Variants in NR1I2 observed in about 807,000 individuals in gnomAD.
NR1I2 encodes nuclear receptor subfamily 1 group I member 2.
A neutral mutation model predicts 43.3 loss-of-function variants in NR1I2; 42 were observed. That is an observed-to-expected ratio of 0.97 (90% CI 0.76 to 1.26). The LOEUF (loss-of-function observed/expected upper bound fraction) is 1.26, where lower values mean the gene tolerates loss of function less well. NR1I2 is among the 50% of genes most tolerant of loss of function. The pLI, the probability that NR1I2 is intolerant of heterozygous loss-of-function variation, is 0.00. For synonymous variants in NR1I2, 229 were observed against 215.0 expected, an observed-to-expected ratio of 1.06 and a Z score of -0.57; for missense variants, 559 against 566.7, an observed-to-expected ratio of 0.99 and a Z score of 0.14.
At chr3:119,797,302 A>G (rs371248139) in intron 1 of NR1I2, among the ~76,000 whole-genome samples, 2 of 151,924 alleles carry the variant, frequency 1.3e-5, no homozygotes, top group South Asian at 4.2e-4. Flanking sequence ...ATCAGCATTC[A>G]CAGAAAGGAA....
intron 2 of NR1I2, 70 bp from the exon 3 acceptor site, chr3:119,809,991 T>C: frequency 6.3e-7 from 1 of 1,594,948 alleles, no homozygotes; most frequent in Non-Finnish European, 8.6e-7. Context: ...GGAGGTGGTA[T>C]GGCCCGGAGC....
chr3:119,787,857 A>G (rs76094566), intron 1 of NR1I2, among the ~76,000 whole-genome samples: 6 of 152,218 alleles, frequency 3.9e-5, no homozygotes, highest in African/African-American at 1.4e-4. Flanking sequence ...AATTAAATAT[A>G]ATCCTGCTAT....
At chr3:119,809,399 C>G (rs776519905) in intron 2 of NR1I2, among the ~76,000 whole-genome samples, 2 of 151,996 alleles carry the variant, frequency 1.3e-5, no homozygotes, top group African/African-American at 2.4e-5. Flanking sequence ...TCCAGGCGCT[C>G]GACCTCTTTG....
chr3:119,807,166 C>A (rs552803002), intron 1 of NR1I2, 63 bp from the exon 2 acceptor site: 23 of 1,399,250 alleles, frequency 1.6e-5, no homozygotes, highest in Non-Finnish European at 1.1e-5. Flanking sequence ...CAGAGTGTTT[C>A]CTCTGAGGCC....
chr3:119,811,814 T>A (rs1463191641), intron 4 of NR1I2, 88 bp downstream of exon 4: 3 of 1,268,598 alleles, frequency 2.4e-6, no homozygotes, highest in African/African-American at 3.0e-5. Flanking sequence ...AAGAAACTTA[T>A]ACAAGGTCAC....
chr3:119,812,643 A>G, intron 4 of NR1I2, 43 bp from the exon 5 acceptor site: 1 of 1,611,468 alleles, frequency 6.2e-7, no homozygotes, highest in South Asian at 1.1e-5. Context: ...CTATGAAAGC[A>G]CATGCTGTCT....
chr3:119,817,451 C>A lies in NR1I2; in HGVS notation c.*239C>A. The A allele has an allele frequency of 2.2e-6, 3 of 1,383,728 alleles. No individual in the cohort carries two copies. The highest frequency in any genetic ancestry group is 2.8e-6 in the Non-Finnish European group (3 of 1,065,112). 85.7% of individuals were successfully genotyped at this position (1,383,728 alleles called of 1,614,324 possible). A position where few individuals can be genotyped will look rare whatever the true frequency, so the allele number is the denominator to read the frequency against. On this transcript the variant is annotated 3_prime_UTR_variant, in exon 9 of 9. Coordinates refer to ENST00000393716, the MANE Select transcript of NR1I2 (RefSeq NM_003889.4). ...CACAGACTCTTACGTGGAGAGTGCA[C>A]TGACCTGTAGGTCAGGACCATCAGA...
chr3:119,801,623 C>T (rs2055082744), intron 1 of NR1I2, among the ~76,000 whole-genome samples: 1 of 152,240 alleles, frequency 6.6e-6, no homozygotes. Context: ...GGTTCCACTT[C>T]CATTATTTCT....
In NR1I2 at chr3:119,803,761, C is replaced by A. The variant is rs74470176; in HGVS notation, c.-22-3468C>A. Among the ~76,000 whole-genome samples the A allele has an allele frequency of 1.8e-3, 263 of 145,570 alleles. 2 individuals carry two copies. The highest frequency in any genetic ancestry group is 6.5e-3 in the African/African-American group (258 of 39,886). On this transcript the variant is annotated intron_variant, in intron 1 of 8. Coordinates refer to ENST00000393716, the MANE Select transcript of NR1I2 (RefSeq NM_003889.4). ...TGCTGAAACCATCTTTCTCAGTGTACTTTTTTTTTTTTTTGAGACAGAGTC... is the reference window on the plus strand; with the variant it reads ...TGCTGAAACCATCTTTCTCAGTGTAATTTTTTTTTTTTTTGAGACAGAGTC...
At chr3:119,797,686 G>A (rs1014118518) in intron 1 of NR1I2, among the ~76,000 whole-genome samples, 7 of 151,912 alleles carry the variant, frequency 4.6e-5, no homozygotes, top group Non-Finnish European at 1.0e-4. Flanking sequence ...TGTTTTATAT[G>A]CACCCACATA....
At position 119,817,718 on chromosome 3, in the gene NR1I2, T is replaced by C; in HGVS notation, c.*506T>C. On this transcript the variant is annotated 3_prime_UTR_variant, in exon 9 of 9. Coordinates refer to ENST00000393716, the MANE Select transcript of NR1I2 (RefSeq NM_003889.4). ...CGAGCTGCTTTGTGGGCTCCAGGCC[T>C]GTACTCATCGGCAGGCGCATGAGTA... 9.5e-7 allele frequency: 1 copy of C among 1,057,780 alleles called. No individual in the cohort carries two copies. The highest frequency in any genetic ancestry group is 1.1e-6 in the Non-Finnish European group (1 of 872,822). 65.5% of individuals were successfully genotyped at this position (1,057,780 alleles called of 1,614,324 possible).
chr3:119,796,880 C>G (rs2055007750), intron 1 of NR1I2, among the ~76,000 whole-genome samples: 1 of 152,212 alleles, frequency 6.6e-6, no homozygotes, highest in East Asian at 1.9e-4. Context: ...CAGCAGCTTC[C>G]ATTTTATTGT....
Position 119,815,429 on chromosome 3 carries a change from C to T in NR1I2, c.1044C>T (p.Leu348=). ...ATGTGCTGATGCAGGCCATCTCCCT[C>T]TTCTCCCCAGGTGAGGATCTCCCCT... Residue 348 remains leucine, a synonymous_variant, in exon 7 of 9, where the codon CTC becomes CTT. Coordinates refer to ENST00000393716, the MANE Select transcript of NR1I2 (RefSeq NM_003889.4). The T allele has an allele frequency of 3.1e-6, 5 of 1,612,182 alleles. No individual in the cohort carries two copies. Among genetic ancestry groups the T allele is most frequent in the Non-Finnish European group, 4.2e-6 (5 of 1,179,456 alleles).
rs10460826 is a variant in NR1I2 at position 119,817,410 on chromosome 3, C to A, written c.*198C>A. ...GGGTGCCCCCCACCCCCAGTTCAGT[C>A]TGTAGGGAGTGAAGCCACAGACTCT... On this transcript the variant is annotated 3_prime_UTR_variant, in exon 9 of 9. Transcript: ENST00000393716. 2 of 1,452,680 alleles carry A rather than the reference C, an allele frequency of 1.4e-6. No homozygotes were observed. The highest frequency in any genetic ancestry group is 1.8e-6 in the Non-Finnish European group (2 of 1,102,596). The allele number at this position is 1,452,680 out of a possible 1,614,324, so 90.0% of individuals were successfully genotyped here. A position where few individuals can be genotyped will look rare whatever the true frequency, so the allele number is the denominator to read the frequency against.
In NR1I2 at chr3:119,800,589, G is replaced by T. The variant is rs564589942; in HGVS notation, c.-22-6640G>T. 4.7e-4 allele frequency among the ~76,000 whole-genome samples: 71 copies of T among 151,958 alleles called. 1 individual carries two copies. In the South Asian group the frequency reaches 0.013, roughly 28 times the overall value. On this transcript the variant is annotated intron_variant, in intron 1 of 8. Transcript: ENST00000393716. ...ATTAATCATAGGGTGTTTTTTGGTC[G>T]TTTTTTTCCCCTTTTTGTGGAGAAT...
At chr3:119,804,854 C>T (rs1367443423) in intron 1 of NR1I2, among the ~76,000 whole-genome samples, 1 of 151,828 alleles carries the variant, frequency 6.6e-6, no homozygotes, top group African/African-American at 2.4e-5. Context: ...CCATTTTTTC[C>T]TTTCTATTAG....
At chr3:119,796,271 G>A (rs1390470217) in intron 1 of NR1I2, among the ~76,000 whole-genome samples, 1 of 152,130 alleles carries the variant, frequency 6.6e-6, no homozygotes, top group Non-Finnish European at 1.5e-5. Context: ...CCAGGTCCCT[G>A]GAATTGAAGC....
intron 5 of NR1I2, 114 bp downstream of exon 5, chr3:119,813,074 C>T: frequency 8.5e-7 from 1 of 1,182,228 alleles, no homozygotes; most frequent in South Asian, 1.3e-5. Flanking sequence ...AGAAGACCCT[C>T]CTTTTCCTGT....
Position 119,817,530 on chromosome 3 carries a change from C to G in NR1I2, c.*318C>G. On this transcript the variant is annotated 3_prime_UTR_variant, in exon 9 of 9. Transcript: ENST00000393716. ...GGCCCTGTGGTCTGGGGAGAAATCC[C>G]TCAGATCCCACTAAAGTGTCAAGGT... 1 of 1,234,820 alleles carries G rather than the reference C, an allele frequency of 8.1e-7. No individual in the cohort carries two copies. Among genetic ancestry groups the G allele is most frequent in the Non-Finnish European group, 1.0e-6 (1 of 972,648 alleles). The allele number at this position is 1,234,820 out of a possible 1,614,324, so 76.5% of individuals were successfully genotyped here.
Sources: gnomAD v4.1 joint callset for allele counts (sites outside exome capture counted in the v4.1 genomes callset) on GRCh38, gnomAD v4.1.1 for gene constraint, MANE v1.5 for transcripts, NCBI Gene and HGNC (gene_info 2026-07-23, HGNC 2026-07-21) for gene names.